Variants in LRRC73 observed in about 807,000 individuals in gnomAD.
LRRC73 encodes leucine rich repeat containing 73, also known as leucine-rich repeat-containing protein 73.
A neutral mutation model predicts 26.4 loss-of-function variants in LRRC73; 16 were observed. That is an observed-to-expected ratio of 0.61 (90% CI 0.41 to 0.92). The LOEUF (loss-of-function observed/expected upper bound fraction) is 0.92. LRRC73 is among the 40% of genes least tolerant of loss of function. LRRC73 has a pLI of 0.00. For missense variants in LRRC73, 344 were observed against 416.3 expected (o/e 0.83, Z 1.51); for synonymous variants, 210 against 179.8 (o/e 1.17, Z -1.34).
At chr6:43,507,967 T>G (rs1484513467) in intron 3 of LRRC73, 41 bp from the exon 4 acceptor site, 1 of 1,544,104 alleles carries the variant, frequency 6.5e-7, no homozygotes, top group Non-Finnish European at 8.9e-7. Flanking sequence ...TACACATGCC[T>G]GCTAATCCTT....
In LRRC73 at chr6:43,507,203, A is replaced by G. The variant is rs1792516364; in HGVS notation, c.*35T>C. The G allele has an allele frequency of 8.7e-6, 14 of 1,610,232 alleles. No individual in the cohort carries two copies. In the African/African-American group the frequency reaches 9.3e-5, roughly 11 times the overall value. On this transcript the variant is annotated 3_prime_UTR_variant, in exon 6 of 6. Transcript: ENST00000372441. ...CTGGGGCAAGGTGCTCGGGACATAGATAAGTGAAATGGTGTGCAGAGGCCC... is the reference window on the plus strand; with the variant it reads ...CTGGGGCAAGGTGCTCGGGACATAGGTAAGTGAAATGGTGTGCAGAGGCCC...
At chr6:43,507,985 G>A in intron 3 of LRRC73, 59 bp from the exon 4 acceptor site, 1 of 1,449,470 alleles carries the variant, frequency 6.9e-7, no homozygotes, top group South Asian at 1.2e-5. Flanking sequence ...CTTACAGATA[G>A]CTTCCCCATT....
chr6:43,510,028 C>T, exon 1 of LRRC73: 1 of 303,578 alleles, frequency 3.3e-6, no homozygotes, highest in African/African-American at 2.2e-5. Context: ...AGGGCGCGGG[C>T]CGGGCTGAAG....
intron 4 of LRRC73, 42 bp from the exon 5 acceptor site, chr6:43,507,720 G>A (rs1171167147): frequency 6.2e-7 from 1 of 1,604,046 alleles, no homozygotes; most frequent in African/African-American, 1.3e-5. Flanking sequence ...ACACAGTTAA[G>A]GCAGGTCCTC....
chr6:43,508,076 G>A, intron 3 of LRRC73, 150 bp from the exon 4 acceptor site: 1 of 957,210 alleles, frequency 1.0e-6, no homozygotes, highest in Non-Finnish European at 1.5e-6. Context: ...CATTGTGATT[G>A]GTGAGTGAAG....
exon 6 of LRRC73, chr6:43,507,193 C>G (rs758312745): frequency 1.9e-6 from 3 of 1,603,596 alleles, no homozygotes; most frequent in Non-Finnish European, 2.6e-6. Context: ...GCAAGGTGCT[C>G]GGGACATAGA....
rs1411750351 is a variant in LRRC73 at position 43,508,691 on chromosome 6, C to G, written c.433+69G>C. ...ATCATCAGAGCTCTGGGGCCACACC[C>G]CCTTCCCTCTGCATTTCGATTTTCA... On this transcript the variant is annotated intron_variant, in intron 2 of 5. Coordinates refer to ENST00000372441, the Ensembl canonical transcript of LRRC73. 3.3e-6 allele frequency: 5 copies of G among 1,529,312 alleles called. No homozygotes were observed. In the East Asian group the frequency reaches 9.1e-5, roughly 28 times the overall value. The allele number at this position is 1,529,312 out of a possible 1,614,324, so 94.7% of individuals were successfully genotyped here.
exon 6 of LRRC73, chr6:43,507,067 C>T (rs1231973353): frequency 1.3e-5 from 9 of 676,736 alleles, no homozygotes; most frequent in African/African-American, 7.2e-5. Context: ...GGCTGTTGCT[C>T]AGTCACAGCT....
chr6:43,508,768 G>A (rs1166060582), exon 2 of LRRC73: 2 of 1,609,310 alleles, frequency 1.2e-6, no homozygotes, highest in South Asian at 1.1e-5. Context: ...ACCAGATTTG[G>A]CCCCATCTGG....
exon 2 of LRRC73, chr6:43,508,780 G>C: frequency 6.2e-7 from 1 of 1,611,960 alleles, no homozygotes; most frequent in Non-Finnish European, 8.5e-7. Flanking sequence ...CCCATCTGGG[G>C]GCAGGAGGCC....
exon 1 of LRRC73, chr6:43,510,154 CGCG>C (rs914747735): frequency 1.6e-3 from 285 of 177,210 alleles, no homozygotes; most frequent in Middle Eastern, 4.5e-3. Flanking sequence ...CCCTCGCGGT[CGCG>C]GCGGCGGCGG....
At chr6:43,507,015 G>GCCA (rs1483255035) in exon 6 of LRRC73, 6 of 564,212 alleles carry the variant, frequency 1.1e-5, no homozygotes, top group Non-Finnish European at 1.9e-5. Flanking sequence ...AGCCAGAGCT[G>GCCA]CCAAGTTCAA....
chr6:43,508,631 C>T, intron 2 of LRRC73, 129 bp downstream of exon 2: 6 of 1,434,942 alleles, frequency 4.2e-6, no homozygotes, highest in Non-Finnish European at 3.8e-6. Flanking sequence ...CGTCCTGCCC[C>T]TTCCTGAGAG....
At chr6:43,508,664 AC>A in intron 2 of LRRC73, 95 bp downstream of exon 2, 1 of 1,486,758 alleles carries the variant, frequency 6.7e-7, no homozygotes, top group Non-Finnish European at 9.1e-7. Flanking sequence ...GTTCTCGCCC[AC>A]ATCATCAGAG....
chr6:43,509,754 TC>T lies in LRRC73; in HGVS notation c.31del (p.Glu11SerfsTer87). 1.3e-6 allele frequency: 2 copies of T among 1,583,204 alleles called. No homozygotes were observed. The highest frequency in any genetic ancestry group is 1.7e-6 in the Non-Finnish European group (2 of 1,172,986). On this transcript the variant is annotated frameshift_variant, in exon 1 of 6. Transcript: ENST00000372441. LOFTEE classifies it high-confidence loss of function. ...CCGCACCTCGGCGCCGGACAGCGGC[TC>T]CCCCGAAATCTGGATGGAGCTGGGC...
chr6:43,508,301 G>A (rs1246871245), exon 3 of LRRC73: 15 of 1,611,302 alleles, frequency 9.3e-6, no homozygotes, highest in East Asian at 6.7e-5. Context: ...GCCTCACCCA[G>A]GGGGTTGTAA....
chr6:43,507,563 T>TC lies in LRRC73; in HGVS notation c.772dup (p.Glu258GlyfsTer56). ...CCCTCCTGCCACTTCCTCCTCCTCC[T>TC]CTCCCTCAGAGAGGAGGTCACAGAT... On this transcript the variant is annotated frameshift_variant, in exon 5 of 6. Coordinates refer to ENST00000372441, the Ensembl canonical transcript of LRRC73. LOFTEE classifies it high-confidence loss of function. 6.2e-7 allele frequency: 1 copy of TC among 1,613,790 alleles called. No individual in the cohort carries two copies. The highest frequency in any genetic ancestry group is 8.5e-7 in the Non-Finnish European group (1 of 1,179,958).
intron 1 of LRRC73, 27 bp from the exon 2 acceptor site, chr6:43,508,947 A>AC: frequency 6.4e-7 from 1 of 1,560,328 alleles, no homozygotes; most frequent in Non-Finnish European, 8.7e-7. Flanking sequence ...GAGCAGGGTT[A>AC]CTGCAGTCCT....
At chr6:43,508,763 A>C (rs1792580965) in exon 2 of LRRC73, 1 of 1,608,380 alleles carries the variant, frequency 6.2e-7, no homozygotes, top group South Asian at 1.1e-5. Context: ...TGCTCACCAG[A>C]TTTGGCCCCA....
Sources: allele counts gnomAD v4.1 joint callset, GRCh38; gene constraint gnomAD v4.1.1; transcripts MANE v1.5; gene names NCBI Gene and HGNC (gene_info 2026-07-23, HGNC 2026-07-21).